The following ARHGEF18 variants were observed in gnomAD, a reference collection of about 807,000 sequenced individuals.
The protein encoded by ARHGEF18 is Rho/Rac guanine nucleotide exchange factor 18.
ARHGEF18 carries 93 observed loss-of-function variants against 155.7 expected under a neutral mutation model. That is an observed-to-expected ratio of 0.60 (90% CI 0.50 to 0.71). The LOEUF is 0.71. ARHGEF18 is among the 30% of genes least tolerant of loss of function. The pLI, the probability that ARHGEF18 is intolerant of heterozygous loss-of-function variation, is 0.00. For synonymous variants in ARHGEF18, 742 were observed against 753.1 expected (o/e 0.99, Z 0.24); for missense variants, 1,593 against 1,816.1 (o/e 0.88, Z 2.23).
chr19:7,384,557 G>T (rs1045388181), intron 10 of ARHGEF18, among the ~76,000 whole-genome samples: 1 of 152,196 alleles, frequency 6.6e-6, no homozygotes, highest in Non-Finnish European at 1.5e-5. Context: ...TGCTGGCCAT[G>T]GGGCTGGGGG....
At chr19:7,380,703 C>A (rs10401596) in intron 7 of ARHGEF18, among the ~76,000 whole-genome samples, 19,791 of 150,744 alleles carry the variant, frequency 0.13, 2,547 homozygotes, top group African/African-American at 0.34. Context: ...AGAAAAAAAA[C>A]ATCTTCCTGC....
At chr19:7,367,003 C>T (rs1969917321) in intron 2 of ARHGEF18, among the ~76,000 whole-genome samples, 1 of 151,944 alleles carries the variant, frequency 6.6e-6, no homozygotes, top group Non-Finnish European at 1.5e-5. Context: ...CTCAACTGAT[C>T]CTCCTACTTT....
In ARHGEF18 at chr19:7,395,014, C is replaced by T. The variant is rs974115952; in HGVS notation, c.967+11811C>T. The T allele has an allele frequency of 1.0e-6, 1 of 979,542 alleles. No homozygotes were observed. The highest frequency in any genetic ancestry group is 1.2e-6 in the Non-Finnish European group (1 of 824,578). The allele number at this position is 979,542 out of a possible 1,614,324, so 60.7% of individuals were successfully genotyped here. ...TCACCACGGCTCGGGGAGCAGCAGC[C>T]CCAGGTCCCCGGGAGCGCCCCGCCC... On this transcript the variant is annotated intron_variant, in intron 10 of 28. Transcript: ENST00000668164. This position sits in a 1 kb window ranked among gnomAD's most constrained non-coding sequence, Gnocchi z 5.0.
At chr19:7,371,926 T>C (rs1485475503) in intron 2 of ARHGEF18, among the ~76,000 whole-genome samples, 1 of 152,172 alleles carries the variant, frequency 6.6e-6, no homozygotes, top group Non-Finnish European at 1.5e-5. Context: ...GGGTGAGTTC[T>C]GGGTAAAGGG....
Position 7,349,221 on chromosome 19 carries a change from T to G in ARHGEF18, c.-131T>G, listed in dbSNP as rs1308199835. 6.6e-6 allele frequency: 1 copy of G among 152,286 alleles called. No individual in the cohort carries two copies. The highest frequency in any genetic ancestry group is 1.5e-5 in the Non-Finnish European group (1 of 68,114). 9.4% of individuals were successfully genotyped at this position (152,286 alleles called of 1,614,324 possible). A position where few individuals can be genotyped will look rare whatever the true frequency, so the allele number is the denominator to read the frequency against. On this transcript the variant is annotated 5_prime_UTR_variant, in exon 1 of 29. Coordinates refer to ENST00000668164, the MANE Select transcript of ARHGEF18 (RefSeq NM_001367823.1). ...TTAGCCAGGCTAGGTGCCTGCAGGTTGAAGAACTGAGCTCTATCTGGTAAG... is the reference window on the plus strand; with the variant it reads ...TTAGCCAGGCTAGGTGCCTGCAGGTGGAAGAACTGAGCTCTATCTGGTAAG...
At chr19:7,408,336 T>C (rs1467759739) in intron 10 of ARHGEF18, among the ~76,000 whole-genome samples, 3 of 152,206 alleles carry the variant, frequency 2.0e-5, no homozygotes, top group Non-Finnish European at 4.4e-5. Flanking sequence ...ACATAGCCTC[T>C]GTCACAGCCA....
At chr19:7,399,035 AT>A in intron 10 of ARHGEF18, among the ~76,000 whole-genome samples, 1 of 152,280 alleles carries the variant, frequency 6.6e-6, no homozygotes, top group East Asian at 1.9e-4. Context: ...CTTACAAAAC[AT>A]TTTTGCTGCC....
chr19:7,434,512 A>G (rs7256795), intron 10 of ARHGEF18, among the ~76,000 whole-genome samples: 58,506 of 152,042 alleles, frequency 0.38, 11,944 homozygotes, highest in East Asian at 0.61. Flanking sequence ...CCAGGTGCTC[A>G]CTAATCGATC....
rs149487886 is a variant in ARHGEF18, at chr19:7,451,969, A to T, written c.1855+703A>T. Among the ~76,000 whole-genome samples the T allele has an allele frequency of 3.0e-3, 453 of 150,062 alleles. 4 individuals are homozygous for T. Among genetic ancestry groups the T allele is most frequent in the African/African-American group, 0.011 (441 of 40,720 alleles). On this transcript the variant is annotated intron_variant, in intron 16 of 28. Coordinates refer to ENST00000668164, the MANE Select transcript of ARHGEF18 (RefSeq NM_001367823.1). ...ACTCCTGGCCTCAAATGATCCACCC[A>T]TGTTGGCCTCCCAAAGTGCTGGGAT...
chr19:7,404,298 A>G (rs548592339), intron 10 of ARHGEF18, among the ~76,000 whole-genome samples: 2 of 152,134 alleles, frequency 1.3e-5, no homozygotes, highest in East Asian at 3.9e-4. Context: ...CCAGGGAGCC[A>G]GTTAGATGCT....
chr19:7,465,470 G>A (rs1370100748), intron 23 of ARHGEF18, among the ~76,000 whole-genome samples: 2 of 150,036 alleles, frequency 1.3e-5, no homozygotes, highest in East Asian at 2.0e-4. Flanking sequence ...GGGCAGTGGC[G>A]TGATCACAGC....
At position 7,378,383 on chromosome 19, in the gene ARHGEF18, G is replaced by T; in HGVS notation, c.542-11G>T. 1 of 1,234,334 alleles carries T rather than the reference G, an allele frequency of 8.1e-7. No homozygotes were observed. Among genetic ancestry groups the T allele is most frequent in the South Asian group, 4.1e-5 (1 of 24,406 alleles). 76.5% of individuals were successfully genotyped at this position (1,234,334 alleles called of 1,614,324 possible). On this transcript the variant is annotated splice_polypyrimidine_tract_variant and intron_variant, in intron 5 of 28. Coordinates refer to ENST00000668164, the MANE Select transcript of ARHGEF18 (RefSeq NM_001367823.1). Reference sequence around the variant, plus strand: ...ACAACTGTGCTTCCTGGGATGGGGGGCTTCTTCCAGGCCTGGAACCTCCAG... The same window carrying T: ...ACAACTGTGCTTCCTGGGATGGGGGTCTTCTTCCAGGCCTGGAACCTCCAG...
Position 7,444,470 on chromosome 19 carries a change from T to C in ARHGEF18, c.1611+16T>C. 1 of 1,611,588 alleles carries C rather than the reference T, an allele frequency of 6.2e-7. No homozygotes were observed. The highest frequency in any genetic ancestry group is 8.5e-7 in the Non-Finnish European group (1 of 1,178,800). ...GGTTCAGCAGGTGGGTGCAGCCGTG[T>C]TCATCTCAACAGTCTTCAAAGCCTC... On this transcript the variant is annotated intron_variant, in intron 14 of 28. Coordinates refer to ENST00000668164, the MANE Select transcript of ARHGEF18 (RefSeq NM_001367823.1). This position sits in a 1 kb window ranked among gnomAD's most constrained non-coding sequence, Gnocchi z 4.7.
chr19:7,377,363 G>A (rs1037566535), intron 5 of ARHGEF18, among the ~76,000 whole-genome samples: 7 of 151,892 alleles, frequency 4.6e-5, no homozygotes, highest in Non-Finnish European at 8.8e-5. Context: ...GAACCACCGC[G>A]CCCAGCATTC....
intron 20 of ARHGEF18, among the ~76,000 whole-genome samples, 157 bp from the exon 21 acceptor site, chr19:7,461,995 T>C (rs549566967): frequency 6.6e-6 from 1 of 152,262 alleles, no homozygotes; most frequent in African/African-American, 2.4e-5. Flanking sequence ...GACAAGGCCA[T>C]GCCCTCCCCT....
intron 10 of ARHGEF18, among the ~76,000 whole-genome samples, chr19:7,386,179 C>CT (rs1555704616): frequency 7.3e-5 from 11 of 150,082 alleles, no homozygotes; most frequent in Non-Finnish European, 1.6e-4. Context: ...ATAACCACAC[C>CT]CTGCTCATTT....
At chr19:7,474,086 C>T (rs1474761491), downstream of ARHGEF18, among the ~76,000 whole-genome samples, 1 of 151,772 alleles carries the variant, frequency 6.6e-6, no homozygotes, top group Non-Finnish European at 1.5e-5. Context: ...CGCCTGTAAT[C>T]CCAGCACTTT....
At chr19:7,401,033 T>C (rs1028216976) in intron 10 of ARHGEF18, among the ~76,000 whole-genome samples, 2 of 152,086 alleles carry the variant, frequency 1.3e-5, no homozygotes, top group South Asian at 2.1e-4. Flanking sequence ...AAGAGCAAAA[T>C]TGAATTTAGA....
intron 10 of ARHGEF18, among the ~76,000 whole-genome samples, chr19:7,430,494 T>C (rs1232577063): frequency 6.6e-6 from 1 of 152,072 alleles, no homozygotes; most frequent in African/African-American, 2.4e-5. Flanking sequence ...TGAGCCACTG[T>C]ACCCAAATAC....
Sources: allele counts gnomAD v4.1 joint callset (sites outside exome capture counted in the v4.1 genomes callset), GRCh38; gene constraint gnomAD v4.1.1; non-coding constraint Gnocchi (gnomAD v3.1); transcripts MANE v1.5; gene names NCBI Gene and HGNC (gene_info 2026-07-23, HGNC 2026-07-21).